PCDHA8: variants seen among roughly 807,000 people sequenced by gnomAD.
PCDHA8 encodes the protein protocadherin alpha 8.
Under a neutral mutation model 61.8 loss-of-function variants are expected in PCDHA8, and 53 were observed. The ratio of observed to expected loss-of-function variants is 0.86; its 90% confidence interval spans 0.69 to 1.08. PCDHA8 has a LOEUF of 1.08. PCDHA8 is among the 50% of genes least tolerant of loss of function. The pLI is 0.00. For missense variants in PCDHA8, 1,293 were observed against 1,245.0 expected, an observed-to-expected ratio of 1.04 and a Z score of -0.58; for synonymous variants, 618 against 556.6, an observed-to-expected ratio of 1.11 and a Z score of -1.55.
chr5:140,901,690 T>C (rs566618023), intron 1 of PCDHA8, among the ~76,000 whole-genome samples: 22 of 152,340 alleles, frequency 1.4e-4, no homozygotes, highest in African/African-American at 5.3e-4. Flanking sequence ...ATGGGTATTT[T>C]GTAGTTCTAT....
chr5:140,935,526 T>C (rs558710371), intron 1 of PCDHA8, among the ~76,000 whole-genome samples: 3 of 152,232 alleles, frequency 2.0e-5, no homozygotes, highest in Non-Finnish European at 4.4e-5. Flanking sequence ...GCATGTACAG[T>C]CAAATTATTG....
intron 1 of PCDHA8, chr5:140,871,261 C>T (rs1554165342): frequency 3.1e-6 from 5 of 1,613,864 alleles, no homozygotes; most frequent in Admixed American, 3.3e-5. Context: ...GTATACGGCG[C>T]TGTGGTGGTC....
intron 1 of PCDHA8, among the ~76,000 whole-genome samples, chr5:140,941,211 C>CTCT (rs2092852939): frequency 7.7e-6 from 1 of 129,628 alleles, no homozygotes; most frequent in East Asian, 2.4e-4. Context: ...TCCTTTCTTT[C>CTCT]TTCCTTTCTT....
At chr5:140,889,121 G>A (rs2062113098) in intron 1 of PCDHA8, among the ~76,000 whole-genome samples, 1 of 151,724 alleles carries the variant, frequency 6.6e-6, no homozygotes, top group East Asian at 1.9e-4. Flanking sequence ...AGGTGATACT[G>A]ATATGTCCTA....
chr5:140,868,327 T>C (rs1554161889), intron 1 of PCDHA8: 1 of 152,138 alleles, frequency 6.6e-6, no homozygotes, highest in Non-Finnish European at 1.5e-5. Context: ...CTGCAATGAA[T>C]ATAAAGTCAC....
chr5:140,866,967 C>T (rs1315852276), intron 1 of PCDHA8: 7 of 152,134 alleles, frequency 4.6e-5, no homozygotes, highest in African/African-American at 1.7e-4. Context: ...ATGGTGACAT[C>T]TGAAATATCA....
rs560247030 is a variant in PCDHA8, at chr5:140,910,414, C to T, written c.2394+66699C>T. On this transcript the variant is annotated intron_variant, in intron 1 of 3. Transcript: ENST00000531613. ...GACTGGCCCCTGCCACCTCGAGATC[C>T]AATTATTCCCATTGCATTTAAGTTT... Among the ~76,000 whole-genome samples the T allele has an allele frequency of 2.6e-5, 4 of 152,258 alleles. No individual in the cohort carries two copies. In the East Asian group the frequency reaches 5.8e-4, roughly 22 times the overall value.
Position 140,841,793 on chromosome 5 carries a change from T to C in PCDHA8, c.472T>C (p.Ser158Pro). 6.2e-7 allele frequency: 1 copy of C among 1,613,848 alleles called. No individual in the cohort carries two copies. Among genetic ancestry groups the C allele is most frequent in the Non-Finnish European group, 8.5e-7 (1 of 1,179,838 alleles). Residue 158 changes from serine (S) to proline (P), a missense_variant, in exon 1 of 4, where the codon TCC becomes CCC. Coordinates refer to ENST00000531613, the MANE Select transcript of PCDHA8 (RefSeq NM_018911.3). The stretch of plus-strand genomic sequence containing the variant: ...CTCTCGGTTTCCGCTAGAGGGCGCG[T>C]CCGATGCAGATGTTGGAGCTAACTC... ...PDSRFPLEGA[S>P]DADVGANSVL...
intron 1 of PCDHA8, among the ~76,000 whole-genome samples, chr5:140,921,878 A>C (rs2153562324): frequency 6.6e-6 from 1 of 152,204 alleles, no homozygotes; most frequent in South Asian, 2.1e-4. Context: ...TATATATATA[A>C]GATTTTAGAA....
intron 1 of PCDHA8, chr5:140,868,434 C>A (rs1581841717): frequency 6.6e-6 from 1 of 152,092 alleles, no homozygotes; most frequent in East Asian, 1.9e-4. Context: ...GAGAATAGAT[C>A]ATGTGGAACA....
intron 1 of PCDHA8, chr5:140,858,795 C>A: frequency 2.6e-6 from 1 of 379,570 alleles, no homozygotes; most frequent in Non-Finnish European, 4.8e-6. Context: ...ATTTCATTTC[C>A]AATCTAAATT....
chr5:140,877,135 G>C, intron 1 of PCDHA8: 1 of 1,613,790 alleles, frequency 6.2e-7, no homozygotes, highest in Non-Finnish European at 8.5e-7. Flanking sequence ...GCAGGTGTTC[G>C]TGCTGGACGA....
intron 1 of PCDHA8, chr5:140,877,919 T>A: frequency 7.0e-7 from 1 of 1,423,998 alleles, no homozygotes; most frequent in South Asian, 1.6e-5. Flanking sequence ...CTCTCATTTT[T>A]CTTTATGATT....
intron 1 of PCDHA8, chr5:140,883,616 G>C: frequency 6.2e-7 from 1 of 1,614,014 alleles, no homozygotes; most frequent in Non-Finnish European, 8.5e-7. Flanking sequence ...CGACGTGAAC[G>C]ACAACGCGCC....
chr5:140,866,758 A>T (rs1554160534), intron 1 of PCDHA8: 1 of 152,196 alleles, frequency 6.6e-6, no homozygotes, highest in Non-Finnish European at 1.5e-5. Flanking sequence ...CTAACAGGAC[A>T]TACAGGCAGA....
chr5:140,925,424 T>C (rs1554202738), intron 1 of PCDHA8, among the ~76,000 whole-genome samples: 1 of 152,038 alleles, frequency 6.6e-6, no homozygotes, highest in Non-Finnish European at 1.5e-5. Context: ...GAACTGGTTG[T>C]AGGGTGTTAG....
chr5:141,006,465 G>T (rs1338372692), intron 3 of PCDHA8, among the ~76,000 whole-genome samples: 3 of 151,948 alleles, frequency 2.0e-5, no homozygotes, highest in Non-Finnish European at 4.4e-5. Context: ...TGCCTGTCTC[G>T]GCCTCCCAAA....
chr5:140,841,440 A>G lies in PCDHA8; in HGVS notation c.119A>G (p.Lys40Arg). The G allele has an allele frequency of 6.2e-7, 1 of 1,612,980 alleles. No homozygotes were observed. Among genetic ancestry groups the G allele is most frequent in the Non-Finnish European group, 8.5e-7 (1 of 1,179,874 alleles). ...CACTACTCCGTCCCCGAGGAGGCCAAACACGGCACCTTCGTGGGCCGGATC... is the reference window on the plus strand; with the variant it reads ...CACTACTCCGTCCCCGAGGAGGCCAGACACGGCACCTTCGTGGGCCGGATC... The part of the protein sequence containing the change: ...QLHYSVPEEA[K>R]HGTFVGRIAQ... Residue 40 changes from lysine (K) to arginine (R), a missense_variant, in exon 1 of 4, where the codon AAA becomes AGA. Lys to Arg is a conservative substitution (Grantham distance 26). Coordinates refer to ENST00000531613, the MANE Select transcript of PCDHA8 (RefSeq NM_018911.3).
In PCDHA8 at chr5:140,876,419, A is replaced by G. The variant is rs2056334313; in HGVS notation, c.2394+32704A>G. On this transcript the variant is annotated intron_variant, in intron 1 of 3. Coordinates refer to ENST00000531613, the MANE Select transcript of PCDHA8 (RefSeq NM_018911.3). Reference sequence around the variant, plus strand: ...CTGGATTTTGAAGAGAATAATGCCTATGAAATTCAGGTTAACGCCATTGAT... The same window carrying G: ...CTGGATTTTGAAGAGAATAATGCCTGTGAAATTCAGGTTAACGCCATTGAT... 2.5e-6 allele frequency: 4 copies of G among 1,613,984 alleles called. No homozygotes were observed. In the East Asian group the frequency reaches 6.7e-5, roughly 27 times the overall value.
Sources: gnomAD v4.1 joint callset for allele counts (sites outside exome capture counted in the v4.1 genomes callset) on GRCh38, gnomAD v4.1.1 for gene constraint, MANE v1.5 for transcripts, NCBI Gene and HGNC (gene_info 2026-07-23, HGNC 2026-07-21) for gene names.